EDIL3: variants seen among roughly 807,000 people sequenced by gnomAD.
EDIL3 encodes the protein EGF-like repeat and discoidin I-like domain-containing protein 3.
A neutral mutation model predicts 67.4 loss-of-function variants in EDIL3; 37 were observed. That is an observed-to-expected ratio of 0.55 (90% CI 0.42 to 0.72). EDIL3 has a LOEUF of 0.72. Ranked by LOEUF, EDIL3 falls within the 30% of genes least tolerant of loss-of-function variation. The pLI is 0.00. For synonymous variants in EDIL3, 195 were observed against 196.3 expected (o/e 0.99, Z 0.05); for missense variants, 527 against 586.3 (o/e 0.90, Z 1.04).
At chr5:84,276,809 C>T (rs189138551) in intron 1 of EDIL3, among the ~76,000 whole-genome samples, 26 of 151,878 alleles carry the variant, frequency 1.7e-4, no homozygotes, top group Middle Eastern at 3.4e-3. Context: ...CCTGACCTCG[C>T]GATCCACCCG....
At chr5:84,251,853 C>A (rs1299625925) in intron 2 of EDIL3, among the ~76,000 whole-genome samples, 1 of 152,062 alleles carries the variant, frequency 6.6e-6, no homozygotes, top group Non-Finnish European at 1.5e-5. Flanking sequence ...ACTAAATGAT[C>A]AAACAAATAC....
At chr5:84,262,850 T>C (rs1745262592) in intron 1 of EDIL3, among the ~76,000 whole-genome samples, 1 of 151,732 alleles carries the variant, frequency 6.6e-6, no homozygotes, top group South Asian at 2.1e-4. Flanking sequence ...TTTTGTAGTT[T>C]AGTAGATATG....
At position 84,026,761 on chromosome 5, in the gene EDIL3, T is replaced by G. The variant is rs190970300; in HGVS notation, c.1137+33539A>C. 5.7e-4 allele frequency among the ~76,000 whole-genome samples: 87 copies of G among 152,276 alleles called. 1 individual carries two copies. The East Asian group carries it at 0.016, about 28-fold the overall frequency. On this transcript the variant is annotated intron_variant, in intron 9 of 10. Coordinates refer to ENST00000296591, the MANE Select transcript of EDIL3 (RefSeq NM_005711.5). ...GCAACTATTTTGATACATCATCTAC[T>G]AAGTTCTTAAACAGAAAAACCACGC... is the stretch of plus-strand genomic sequence containing the variant.
At chr5:84,340,363 T>C (rs1156331382) in intron 1 of EDIL3, among the ~76,000 whole-genome samples, 1 of 151,604 alleles carries the variant, frequency 6.6e-6, no homozygotes, top group African/African-American at 2.4e-5. Context: ...ATCTCTAAAA[T>C]AGGGATGATA....
chr5:84,191,851 T>C (rs1743592584), intron 3 of EDIL3, among the ~76,000 whole-genome samples: 1 of 152,032 alleles, frequency 6.6e-6, no homozygotes, highest in South Asian at 2.1e-4. Flanking sequence ...AGGAGCTAAG[T>C]AAATACACTG....
At chr5:84,289,674 C>T (rs1269809840) in intron 1 of EDIL3, among the ~76,000 whole-genome samples, 1 of 152,150 alleles carries the variant, frequency 6.6e-6, no homozygotes, top group Non-Finnish European at 1.5e-5. Context: ...TGACTAACAT[C>T]TGATTCTTAG....
intron 5 of EDIL3, among the ~76,000 whole-genome samples, chr5:84,132,910 G>T (rs1297195292): frequency 1.3e-5 from 2 of 151,864 alleles, no homozygotes; most frequent in Admixed American, 1.3e-4. Flanking sequence ...AACCCTCTGA[G>T]ATCACCCAAG....
chr5:84,241,430 C>T (rs1368022451), intron 2 of EDIL3, among the ~76,000 whole-genome samples: 1 of 152,080 alleles, frequency 6.6e-6, no homozygotes, highest in Non-Finnish European at 1.5e-5. Context: ...ATTTTGCAAT[C>T]TTATAAATAA....
At chr5:84,042,764 C>T (rs16900849) in intron 9 of EDIL3, among the ~76,000 whole-genome samples, 36,179 of 151,914 alleles carry the variant, frequency 0.24, 4,414 homozygotes, top group African/African-American at 0.27. Flanking sequence ...AAATCTGTAA[C>T]GCAAAAAATA....
chr5:84,075,496 G>T (rs1746835905), intron 6 of EDIL3, among the ~76,000 whole-genome samples: 1 of 151,226 alleles, frequency 6.6e-6, no homozygotes, highest in African/African-American at 2.4e-5. Flanking sequence ...ATTATTTTGA[G>T]ACGGAGTCTT....
At position 84,162,278 on chromosome 5, in the gene EDIL3, C is replaced by A. The variant is rs963809068; in HGVS notation, c.355+18115G>T. On this transcript the variant is annotated intron_variant, in intron 4 of 10. Coordinates refer to ENST00000296591, the MANE Select transcript of EDIL3 (RefSeq NM_005711.5). Reference sequence around the variant, plus strand: ...TCTTGCTCCATAGAGAGGAGTGGTTCCAGAAGAAAGCCAGAGCAAGATCTC... The same window carrying A: ...TCTTGCTCCATAGAGAGGAGTGGTTACAGAAGAAAGCCAGAGCAAGATCTC... Among the ~76,000 whole-genome samples the A allele has an allele frequency of 2.6e-5, 4 of 152,214 alleles. No homozygotes were observed. In the East Asian group the frequency reaches 7.7e-4, roughly 29 times the overall value.
rs74733739 is a variant in EDIL3 at position 84,306,051 on chromosome 5, T to A, written c.68-51839A>T. Among the ~76,000 whole-genome samples, 85 of 152,238 alleles carry A rather than the reference T, an allele frequency of 5.6e-4. 1 individual carries two copies. In the East Asian group the frequency reaches 0.015, roughly 27 times the overall value. ...TAAGGAGAAAAAAAAAAGTCTCTCCTTTAGGGATGAGGGTTCTATTCTGCC... is the reference window on the plus strand; with the variant it reads ...TAAGGAGAAAAAAAAAAGTCTCTCCATTAGGGATGAGGGTTCTATTCTGCC... On this transcript the variant is annotated intron_variant, in intron 1 of 10. Transcript: ENST00000296591.
At chr5:84,260,273 C>G (rs1448777033) in intron 1 of EDIL3, among the ~76,000 whole-genome samples, 1 of 152,136 alleles carries the variant, frequency 6.6e-6, no homozygotes, top group Non-Finnish European at 1.5e-5. Flanking sequence ...GAGCTGCAAA[C>G]TGAAGAATGA....
At chr5:83,966,924 C>T (rs1283599292) in intron 9 of EDIL3, among the ~76,000 whole-genome samples, 1 of 152,086 alleles carries the variant, frequency 6.6e-6, no homozygotes, top group Non-Finnish European at 1.5e-5. Flanking sequence ...ATATTTCGCT[C>T]ACCATCTCAG....
At chr5:83,974,155 G>A (rs1451633640) in intron 9 of EDIL3, among the ~76,000 whole-genome samples, 2 of 151,778 alleles carry the variant, frequency 1.3e-5, no homozygotes, top group African/African-American at 2.4e-5. Flanking sequence ...GTATGTGCAT[G>A]TTTTATGGTG....
At chr5:84,246,600 A>C (rs892763095) in intron 2 of EDIL3, among the ~76,000 whole-genome samples, 2 of 152,260 alleles carry the variant, frequency 1.3e-5, no homozygotes, top group African/African-American at 4.8e-5. Context: ...CAGTGGTTTA[A>C]ATGACATACA....
chr5:84,268,711 A>G (rs17284887), intron 1 of EDIL3, among the ~76,000 whole-genome samples: 16,234 of 152,206 alleles, frequency 0.11, 1,082 homozygotes, highest in Middle Eastern at 0.15. Flanking sequence ...TATATTCACA[A>G]GATTTTAACC....
intron 1 of EDIL3, among the ~76,000 whole-genome samples, chr5:84,282,338 A>G (rs1745721508): frequency 6.6e-6 from 1 of 152,158 alleles, no homozygotes; most frequent in Non-Finnish European, 1.5e-5. Context: ...CTAGAGGTCT[A>G]CTTTACTCTC....
At chr5:84,349,590 ATGGAATTCTG>A (rs1231849913) in intron 1 of EDIL3, among the ~76,000 whole-genome samples, 1 of 152,146 alleles carries the variant, frequency 6.6e-6, no homozygotes, top group African/African-American at 2.4e-5. Flanking sequence ...CCATTTTTAA[ATGGAATTCTG>A]TTCACATATC....
Sources: gnomAD v4.1 joint callset for allele counts (sites outside exome capture counted in the v4.1 genomes callset) on GRCh38, gnomAD v4.1.1 for gene constraint, MANE v1.5 for transcripts, NCBI Gene and HGNC (gene_info 2026-07-23, HGNC 2026-07-21) for gene names.